Variants in TNFSF14 observed in about 807,000 individuals in gnomAD.
TNFSF14 encodes the protein TNF superfamily member 14, also known as tumor necrosis factor ligand superfamily member 14.
In TNFSF14, 15 loss-of-function variants were observed where a neutral mutation model predicts 22.7. The ratio of observed to expected loss-of-function variants is 0.66; its 90% CI spans 0.44 to 1.02. The LOEUF (loss-of-function observed/expected upper bound fraction) is 1.02. Among genes scored for constraint, TNFSF14 ranks in the 50% least tolerant of loss-of-function variants. TNFSF14 has a pLI of 0.00. For synonymous variants in TNFSF14, 133 were observed against 139.6 expected, an observed-to-expected ratio of 0.95 and a Z score of 0.33; for missense variants, 287 against 326.2, an observed-to-expected ratio of 0.88 and a Z score of 0.93.
chr19:6,664,927 C>A lies in TNFSF14; in HGVS notation c.722G>T (p.Ter241LeuextTer38). Reference sequence around the variant, plus strand: ...GTCCAATGCACCACGCTCCTTCCTTCACACCATGAAAGCCCCGAAGTAAGA... The same window carrying A: ...GTCCAATGCACCACGCTCCTTCCTTAACACCATGAAAGCCCCGAAGTAAGA... ...TRSYFGAFMV[*>L] The change falls in exon 4 of 4, where the codon TGA becomes TTA. Residue 241 changes from the stop codon to leucine (L), a stop_lost. Coordinates refer to ENST00000675206, the MANE Select transcript of TNFSF14 (RefSeq NM_001376887.1). This position sits in a 1 kb window ranked among gnomAD's most constrained non-coding sequence, Gnocchi z 4.7. The A allele has an allele frequency of 6.3e-7, 1 of 1,585,154 alleles. No homozygotes were observed. The highest frequency in any genetic ancestry group is 8.6e-7 in the Non-Finnish European group (1 of 1,160,952).
intron 3 of TNFSF14, 87 bp downstream of exon 3, chr19:6,667,026 T>C: frequency 2.1e-6 from 3 of 1,452,748 alleles, no homozygotes; most frequent in Admixed American, 3.7e-5. Flanking sequence ...AATGAATGAA[T>C]GAATACACTG....
At chr19:6,666,396 C>CAA (rs5826941) in intron 3 of TNFSF14, among the ~76,000 whole-genome samples, 8,066 of 127,952 alleles carry the variant, frequency 0.063, 333 homozygotes, top group Middle Eastern at 0.11. Flanking sequence ...GACCCTGTCT[C>CAA]AAAAAAAAAA....
chr19:6,666,280 T>C (rs1917423578), intron 3 of TNFSF14, among the ~76,000 whole-genome samples: 1 of 151,454 alleles, frequency 6.6e-6, no homozygotes, highest in African/African-American at 2.4e-5. Flanking sequence ...CAGGCACCTG[T>C]AGTCCCAGCT....
rs1917349423 is a variant in TNFSF14, at chr19:6,664,652, T to C, written c.*274A>G. The C allele has an allele frequency of 3.5e-6, 1 of 284,922 alleles. No individual in the cohort carries two copies. The highest frequency in any genetic ancestry group is 8.1e-5 in the South Asian group (1 of 12,416). The allele number at this position is 284,922 out of a possible 1,614,324, so 17.6% of individuals were successfully genotyped here. A position where few individuals can be genotyped will look rare whatever the true frequency, so the allele number is the denominator to read the frequency against. On this transcript the variant is annotated 3_prime_UTR_variant, in exon 4 of 4. Transcript: ENST00000675206. This position sits in a 1 kb window ranked among gnomAD's most constrained non-coding sequence, Gnocchi z 4.7. ...CTCCCGGGTTTAAGCAAAATTATCCTGCCTCAGCCTCCTGAGTAGCTGGAT... is the reference window on the plus strand; with the variant it reads ...CTCCCGGGTTTAAGCAAAATTATCCCGCCTCAGCCTCCTGAGTAGCTGGAT...
rs1265139702 is a variant in TNFSF14 at position 6,670,077 on chromosome 19, G to A, written c.-8C>T. The A allele has an allele frequency of 6.2e-7, 1 of 1,613,174 alleles. No individual in the cohort carries two copies. Among genetic ancestry groups the A allele is most frequent in the Middle Eastern group, 1.7e-4 (1 of 6,058 alleles). On this transcript the variant is annotated 5_prime_UTR_variant, in exon 1 of 4. Coordinates refer to ENST00000675206, the MANE Select transcript of TNFSF14 (RefSeq NM_001376887.1). The stretch of plus-strand genomic sequence containing the variant: ...TACGACACTCTCCTCCATGCCCAAG[G>A]TGTCTGGAGCAGGGCTGACACGCCT...
intron 1 of TNFSF14, among the ~76,000 whole-genome samples, chr19:6,669,281 T>G (rs897747944): frequency 2.6e-5 from 4 of 152,034 alleles, no homozygotes; most frequent in African/African-American, 9.7e-5. Context: ...GTCGGGAGTT[T>G]GAGACCAGCC....
At position 6,665,195 on chromosome 19, in the gene TNFSF14, C is replaced by T. The variant is rs769968191; in HGVS notation, c.454G>A (p.Val152Met). ...CTGGCCAGGCCCAGCGGGCAGCCCA[C>T]ACCGCCCAGCTGCACCTTGGAGTAG... ...YIYSKVQLGG[V>M]GCPLGLASTI... The change falls in exon 4 of 4, where the codon GTG becomes ATG. Residue 152 changes from valine to methionine, a missense_variant. By Grantham distance (21) the Val-to-Met change is conservative. Coordinates refer to ENST00000675206, the MANE Select transcript of TNFSF14 (RefSeq NM_001376887.1). 6.2e-7 allele frequency: 1 copy of T among 1,614,136 alleles called. No homozygotes were observed.
rs972215639 is a variant in TNFSF14, at chr19:6,669,791, C to G, written c.219+60G>C. The G allele has an allele frequency of 1.9e-6, 3 of 1,588,192 alleles. No individual in the cohort carries two copies. The African/African-American group carries it at 4.0e-5, about 21-fold the overall frequency. The stretch of plus-strand genomic sequence containing the variant: ...ACACACACAGACACACAGTGACCCA[C>G]AATGACACAGGGGAGCCCCCCTCAC... On this transcript the variant is annotated intron_variant, in intron 1 of 3. Coordinates refer to ENST00000675206, the MANE Select transcript of TNFSF14 (RefSeq NM_001376887.1).
At chr19:6,666,606 T>C (rs1917434738) in intron 3 of TNFSF14, among the ~76,000 whole-genome samples, 1 of 151,794 alleles carries the variant, frequency 6.6e-6, no homozygotes, top group South Asian at 2.1e-4. Flanking sequence ...ATTAAATTAA[T>C]AAAACTAGGC....
Position 6,664,693 on chromosome 19 carries a change from C to T in TNFSF14, c.*233G>A, listed in dbSNP as rs1336279120. ...GTAGCTGGATTACAGGCAGGCACCACCACGTCCGGCTAATTTTTGTATTTT... is the reference window on the plus strand; with the variant it reads ...GTAGCTGGATTACAGGCAGGCACCATCACGTCCGGCTAATTTTTGTATTTT... On this transcript the variant is annotated 3_prime_UTR_variant, in exon 4 of 4. Coordinates refer to ENST00000675206, the MANE Select transcript of TNFSF14 (RefSeq NM_001376887.1). This position sits in a 1 kb window ranked among gnomAD's most constrained non-coding sequence, Gnocchi z 4.7. 4.9e-6 allele frequency: 2 copies of T among 408,382 alleles called. No individual in the cohort carries two copies. Among genetic ancestry groups the T allele is most frequent in the Middle Eastern group, 4.8e-4 (1 of 2,064 alleles). 25.3% of individuals were successfully genotyped at this position (408,382 alleles called of 1,614,324 possible).
chr19:6,666,822 C>T (rs548630392), intron 3 of TNFSF14, among the ~76,000 whole-genome samples: 29 of 151,940 alleles, frequency 1.9e-4, no homozygotes, highest in African/African-American at 5.6e-4. Flanking sequence ...CGCTTGAACC[C>T]GGGAGGCGAA....
chr19:6,669,257 G>A (rs1345989063), intron 1 of TNFSF14, among the ~76,000 whole-genome samples: 3 of 152,210 alleles, frequency 2.0e-5, no homozygotes, highest in Non-Finnish European at 4.4e-5. Context: ...GCTGAGGCGG[G>A]TGGATCTCCT....
intron 1 of TNFSF14, among the ~76,000 whole-genome samples, chr19:6,669,363 A>G (rs969735736): frequency 1.3e-5 from 2 of 152,132 alleles, no homozygotes; most frequent in African/African-American, 2.4e-5. Flanking sequence ...CATGCCTGTA[A>G]TCCCAGCTAC....
At chr19:6,666,546 A>G (rs1426253046) in intron 3 of TNFSF14, among the ~76,000 whole-genome samples, 1 of 152,234 alleles carries the variant, frequency 6.6e-6, no homozygotes, top group Non-Finnish European at 1.5e-5. Flanking sequence ...ATTAATATGT[A>G]GAAAGCGTGT....
At chr19:6,665,881 G>T (rs527979935) in intron 3 of TNFSF14, among the ~76,000 whole-genome samples, 10 of 151,438 alleles carry the variant, frequency 6.6e-5, no homozygotes, top group African/African-American at 2.2e-4. Context: ...GTGCTCAACC[G>T]ATCCTTCAGG....
At position 6,665,174 on chromosome 19, in the gene TNFSF14, C is replaced by T. The variant is rs746422638; in HGVS notation, c.475G>A (p.Ala159Thr). The change falls in exon 4 of 4, where the codon GCC becomes ACC. Residue 159 changes from alanine to threonine, a missense_variant. Physicochemically the swap from Ala to Thr is moderately conservative, Grantham distance 58 (BLOSUM62 0). Coordinates refer to ENST00000675206, the MANE Select transcript of TNFSF14 (RefSeq NM_001376887.1). ...LGGVGCPLGL[A>T]STITHGLYKR... ...TAGAGGCCGTGGGTGATGGTGCTGGCCAGGCCCAGCGGGCAGCCCACACCG... is the reference window on the plus strand; with the variant it reads ...TAGAGGCCGTGGGTGATGGTGCTGGTCAGGCCCAGCGGGCAGCCCACACCG... 4.3e-6 allele frequency: 7 copies of T among 1,614,082 alleles called. No homozygotes were observed. Among genetic ancestry groups the T allele is most frequent in the Non-Finnish European group, 5.9e-6 (7 of 1,180,016 alleles).
chr19:6,665,362 A>G lies in TNFSF14; in HGVS notation c.299-12T>C. On this transcript the variant is annotated splice_polypyrimidine_tract_variant and intron_variant, in intron 3 of 3. Coordinates refer to ENST00000675206, the MANE Select transcript of TNFSF14 (RefSeq NM_001376887.1). ...GCTGGAGTTGGCCCCTGTTGGGAAG[A>G]GAGAGACAAAGGGGGCTGCCGGTCA... 1 of 1,538,840 alleles carries G rather than the reference A, an allele frequency of 6.5e-7. No individual in the cohort carries two copies. Among genetic ancestry groups the G allele is most frequent in the Non-Finnish European group, 8.7e-7 (1 of 1,144,124 alleles).
Position 6,664,994 on chromosome 19 carries a change from C to T in TNFSF14, c.655G>A (p.Val219Met), listed in dbSNP as rs1440639128. 1.2e-6 allele frequency: 2 copies of T among 1,613,468 alleles called. No homozygotes were observed. Among genetic ancestry groups the T allele is most frequent in the Admixed American group, 1.7e-5 (1 of 59,978 alleles). ...LEAGEKVVVRVLDERLVRLRD... is the reference protein window; with the variant it reads ...LEAGEKVVVRMLDERLVRLRD... ...AGTCGAACCAGGCGTTCATCCAGCACACGGACGACCACCTTCTCCCCAGCC... is the reference window on the plus strand; with the variant it reads ...AGTCGAACCAGGCGTTCATCCAGCATACGGACGACCACCTTCTCCCCAGCC... Residue 219 changes from valine to methionine, a missense_variant, in exon 4 of 4, where the codon GTG becomes ATG. Physicochemically the swap from Val to Met is conservative, Grantham distance 21. Transcript: ENST00000675206. The surrounding 1 kb of genome is among the most constrained non-coding windows in gnomAD (Gnocchi z 4.7).
chr19:6,663,307 GAT>G lies in TNFSF14; in HGVS notation c.*1617_*1618del. 6.6e-6 allele frequency: 1 copy of G among 151,846 alleles called. No homozygotes were observed. Among genetic ancestry groups the G allele is most frequent in the South Asian group, 2.1e-4 (1 of 4,766 alleles). 9.4% of individuals were successfully genotyped at this position (151,846 alleles called of 1,614,324 possible). On this transcript the variant is annotated 3_prime_UTR_variant, in exon 4 of 4. Transcript: ENST00000675206. ...GTGTTTGTCATTGTGATGTGTGTGT[GAT>G]GTGTGTGTCATTGTGATGTTGTGTG...
Sources: allele counts gnomAD v4.1 joint callset (sites outside exome capture counted in the v4.1 genomes callset), GRCh38; gene constraint gnomAD v4.1.1; non-coding constraint Gnocchi (gnomAD v3.1); transcripts MANE v1.5; gene names NCBI Gene and HGNC (gene_info 2026-07-23, HGNC 2026-07-21).